Variants in CCDC33 observed in about 807,000 individuals in gnomAD.
CCDC33 encodes coiled-coil domain containing 33, also known as coiled-coil domain-containing protein 33.
A neutral mutation model predicts 91.9 loss-of-function variants in CCDC33; 94 were observed. The observed-to-expected ratio is 1.02, with a 90% CI of 0.87 to 1.21. The LOEUF is 1.21. CCDC33 is among the 50% of genes most tolerant of loss of function. CCDC33 has a pLI of 0.00. For synonymous variants in CCDC33, 396 were observed against 374.5 expected, an observed-to-expected ratio of 1.06 and a Z score of -0.66; for missense variants, 940 against 935.5, an observed-to-expected ratio of 1.00 and a Z score of -0.06.
intron 4 of CCDC33, among the ~76,000 whole-genome samples, chr15:74,267,828 T>A (rs2076208128): frequency 6.6e-6 from 1 of 152,134 alleles, no homozygotes; most frequent in Non-Finnish European, 1.5e-5. Context: ...GGTGCTCAGT[T>A]TGGTCAGTTA....
At chr15:74,315,691 G>T (rs981603645) in intron 11 of CCDC33, among the ~76,000 whole-genome samples, 2 of 152,212 alleles carry the variant, frequency 1.3e-5, no homozygotes, top group African/African-American at 4.8e-5. Context: ...CAGAGATGGG[G>T]GAAGGCGACT....
intron 2 of CCDC33, among the ~76,000 whole-genome samples, chr15:74,228,230 C>T (rs1208585593): frequency 6.6e-6 from 1 of 152,186 alleles, no homozygotes; most frequent in Non-Finnish European, 1.5e-5. Context: ...TTGATCAGGG[C>T]AGAAAGGCAG....
chr15:74,271,368 G>A (rs1200374913), intron 5 of CCDC33, among the ~76,000 whole-genome samples: 1 of 152,116 alleles, frequency 6.6e-6, no homozygotes, highest in Non-Finnish European at 1.5e-5. Context: ...GCCAGTGGAG[G>A]GGCCGAGGTT....
At chr15:74,330,894 C>A (rs1596139486) in intron 13 of CCDC33, 87 bp from the exon 14 acceptor site, 1 of 1,526,544 alleles carries the variant, frequency 6.6e-7, no homozygotes, top group Non-Finnish European at 8.9e-7. Flanking sequence ...GTGGAGGATT[C>A]AGCAGAGGGG....
chr15:74,268,575 A>T (rs2076234024), intron 5 of CCDC33, 117 bp downstream of exon 5: 2 of 725,902 alleles, frequency 2.8e-6, no homozygotes, highest in South Asian at 3.3e-5. Flanking sequence ...TGGAGCAGAG[A>T]TGTCAAGAAT....
upstream of CCDC33, among the ~76,000 whole-genome samples, chr15:74,216,337 A>C (rs116719447): frequency 1.7e-3 from 254 of 151,692 alleles, 1 homozygote; most frequent in African/African-American, 5.9e-3. Context: ...GAGATGACTT[A>C]TCTGCCCCAC....
intron 2 of CCDC33, among the ~76,000 whole-genome samples, chr15:74,255,664 C>T (rs997147054): frequency 6.6e-6 from 1 of 152,226 alleles, no homozygotes; most frequent in Non-Finnish European, 1.5e-5. Context: ...CAAAACCAGA[C>T]CTCGATCCCT....
intron 2 of CCDC33, among the ~76,000 whole-genome samples, chr15:74,210,887 A>G (rs1269185654): frequency 6.6e-6 from 1 of 152,214 alleles, no homozygotes; most frequent in Non-Finnish European, 1.5e-5. Context: ...GGTGAAAAAC[A>G]GTTGTGATAG....
intron 11 of CCDC33, chr15:74,318,617 C>G (rs1449784055): frequency 1.3e-6 from 1 of 752,068 alleles, no homozygotes; most frequent in Non-Finnish European, 2.5e-6. Flanking sequence ...CCCATCCCCT[C>G]CAGCCCCCAA....
chr15:74,224,370 A>C (rs2074717474), intron 2 of CCDC33, among the ~76,000 whole-genome samples: 1 of 152,228 alleles, frequency 6.6e-6, no homozygotes, highest in South Asian at 2.1e-4. Context: ...GGTCCTGGGC[A>C]GCATGGACGA....
At chr15:74,334,657 G>T (rs989990168) in intron 17 of CCDC33, among the ~76,000 whole-genome samples, 3 of 152,162 alleles carry the variant, frequency 2.0e-5, no homozygotes, top group African/African-American at 4.8e-5. Context: ...TTAGGGTTCA[G>T]TGTATATCCA....
chr15:74,214,583 C>T (rs1477431242), upstream of CCDC33, among the ~76,000 whole-genome samples: 2 of 152,166 alleles, frequency 1.3e-5, no homozygotes, highest in Admixed American at 6.5e-5. Context: ...ATGGGCTTGC[C>T]GTCTAGCCCT....
chr15:74,253,025 A>G (rs2075755669), intron 2 of CCDC33, among the ~76,000 whole-genome samples: 1 of 152,110 alleles, frequency 6.6e-6, no homozygotes, highest in Admixed American at 6.6e-5. Context: ...TGGGGCCCCT[A>G]AGGTGTTCTC....
chr15:74,279,835 C>T, intron 7 of CCDC33, 128 bp from the exon 8 acceptor site: 1 of 1,327,166 alleles, frequency 7.5e-7, no homozygotes, highest in Non-Finnish European at 1.0e-6. Context: ...CTGTGCCCAG[C>T]CAGCTTGCTT....
chr15:74,265,781 T>TG (rs1350225703), intron 3 of CCDC33, among the ~76,000 whole-genome samples: 7 of 152,230 alleles, frequency 4.6e-5, no homozygotes, highest in Non-Finnish European at 8.8e-5. Context: ...CCCAGCACTT[T>TG]GGGAGTCTGA....
chr15:74,283,885 G>A lies in CCDC33; in HGVS notation c.1095+2036G>A, dbSNP rs116108265. ...CACACAGTCACAGACACACAGATGTGTGCGCACATACCTTGGCAAGAAGGA... is the reference window on the plus strand; with the variant it reads ...CACACAGTCACAGACACACAGATGTATGCGCACATACCTTGGCAAGAAGGA... On this transcript the variant is annotated intron_variant, in intron 10 of 18. Coordinates refer to ENST00000398814, the MANE Select transcript of CCDC33 (RefSeq NM_025055.5). Among the ~76,000 whole-genome samples, 1,412 of 151,936 alleles carry A rather than the reference G, an allele frequency of 9.3e-3. 16 individuals are homozygous for A. Among genetic ancestry groups the A allele is most frequent in the African/African-American group, 0.032 (1,338 of 41,442 alleles).
chr15:74,331,246 A>G lies in CCDC33; in HGVS notation c.1721A>G (p.Asp574Gly), dbSNP rs770259027. The part of the protein sequence containing the change: ...MERVLEDRLQ[D>G]RSKPPPLNRQ... The stretch of plus-strand genomic sequence containing the variant: ...CGGGTGCTGGAGGACAGGCTGCAGG[A>G]CAGGAGCAAGCCCCCTCCTCTGAAC... Residue 574 changes from aspartate (D) to glycine (G), a missense_variant, in exon 15 of 19, where the codon GAC becomes GGC. Transcript: ENST00000398814. 53 of 1,614,008 alleles carry G rather than the reference A, an allele frequency of 3.3e-5. No homozygotes were observed. The Admixed American group carries it at 4.0e-4, about 12-fold the overall frequency.
intron 10 of CCDC33, among the ~76,000 whole-genome samples, chr15:74,286,949 A>T (rs994464329): frequency 1.3e-5 from 2 of 151,890 alleles, no homozygotes; most frequent in African/African-American, 4.8e-5. Flanking sequence ...CTTTGATGCT[A>T]CTCTGGTGGC....
chr15:74,248,890 C>T (rs1446565946), intron 2 of CCDC33, among the ~76,000 whole-genome samples: 4 of 152,124 alleles, frequency 2.6e-5, no homozygotes, highest in Non-Finnish European at 1.5e-5. Context: ...CATCTCTGAC[C>T]CTGCATCCAA....
Sources: allele counts gnomAD v4.1 joint callset (sites outside exome capture counted in the v4.1 genomes callset), GRCh38; gene constraint gnomAD v4.1.1; transcripts MANE v1.5; gene names NCBI Gene and HGNC (gene_info 2026-07-23, HGNC 2026-07-21).